The following ATG7 variants were observed in gnomAD, a reference collection of about 807,000 sequenced individuals.
ATG7 encodes autophagy related 7.
In ATG7, 70 loss-of-function variants were observed where a neutral mutation model predicts 82.4. The observed-to-expected ratio is 0.85, with a 90% CI of 0.70 to 1.04. The LOEUF (loss-of-function observed/expected upper bound fraction) is 1.04, where lower values mean the gene tolerates loss of function less well. Among genes scored for constraint, ATG7 ranks in the 50% least tolerant of loss-of-function variants. The pLI, the probability that ATG7 is intolerant of heterozygous loss-of-function variation, is 0.00. For missense variants in ATG7, 792 were observed against 864.3 expected (o/e 0.92, Z 1.05); for synonymous variants, 287 against 313.0 (o/e 0.92, Z 0.88).
At chr3:11,331,709 C>T (rs1371876989) in intron 10 of ATG7, among the ~76,000 whole-genome samples, 1 of 152,084 alleles carries the variant, frequency 6.6e-6, no homozygotes, top group Non-Finnish European at 1.5e-5. Context: ...ATTCTGTAGC[C>T]CTCCCTTCTA....
At chr3:11,361,175 C>T (rs191625955) in intron 16 of ATG7, among the ~76,000 whole-genome samples, 4 of 152,228 alleles carry the variant, frequency 2.6e-5, no homozygotes, top group African/African-American at 9.6e-5. Context: ...TAAAAAGTCT[C>T]TTAGGTTCCC....
intron 20 of ATG7, among the ~76,000 whole-genome samples, chr3:11,452,384 C>CAAAAAAAA (rs34530409): frequency 3.4e-5 from 2 of 58,414 alleles, no homozygotes; most frequent in African/African-American, 7.6e-5. Context: ...GAACCTGTCT[C>CAAAAAAAA]AAAAAAAAAA....
chr3:11,399,769 TC>T (rs769015245), intron 19 of ATG7, among the ~76,000 whole-genome samples: 3 of 152,176 alleles, frequency 2.0e-5, no homozygotes, highest in Non-Finnish European at 4.4e-5. Context: ...AGACAGAGCT[TC>T]ACCATGTTGG....
intron 20 of ATG7, among the ~76,000 whole-genome samples, chr3:11,471,365 AC>A (rs1425463340): frequency 6.6e-6 from 1 of 152,090 alleles, no homozygotes; most frequent in East Asian, 1.9e-4. Flanking sequence ...TCTGCCCCAC[AC>A]CTGTCACCTG....
chr3:11,347,801 CTT>C (rs1162370170), intron 13 of ATG7, 74 bp from the exon 14 acceptor site: 14 of 1,459,224 alleles, frequency 9.6e-6, no homozygotes, highest in Non-Finnish European at 1.3e-5. Context: ...AACCAATATT[CTT>C]TTTGAGATTT....
intron 18 of ATG7, among the ~76,000 whole-genome samples, chr3:11,378,978 T>C (rs1376189912): frequency 1.3e-5 from 2 of 152,042 alleles, no homozygotes; most frequent in African/African-American, 2.4e-5. Flanking sequence ...GAAGACCTAG[T>C]GTTGAAGACA....
At chr3:11,475,977 TG>T (rs1156813933) in intron 20 of ATG7, among the ~76,000 whole-genome samples, 1 of 151,732 alleles carries the variant, frequency 6.6e-6, no homozygotes, top group Non-Finnish European at 1.5e-5. Flanking sequence ...ATGTTTACAT[TG>T]GGGAAAAAAT....
intron 18 of ATG7, among the ~76,000 whole-genome samples, chr3:11,375,314 A>G (rs1041543840): frequency 6.6e-6 from 1 of 152,198 alleles, no homozygotes; most frequent in Non-Finnish European, 1.5e-5. Flanking sequence ...ACAATACAGC[A>G]ATTTAAAAAA....
the ATG7 span, among the ~76,000 whole-genome samples, chr3:11,567,180 C>T: frequency 7.9e-5 from 12 of 152,202 alleles, no homozygotes; most frequent in South Asian, 2.1e-4. Flanking sequence ...TTCCGAGCCT[C>T]GGCGTCCCCA....
At chr3:11,409,327 T>TGCAGTG (rs1328316656) in intron 19 of ATG7, among the ~76,000 whole-genome samples, 1 of 152,212 alleles carries the variant, frequency 6.6e-6, no homozygotes, top group African/African-American at 2.4e-5. Context: ...TGAGATGCCA[T>TGCAGTG]GCAGTGGCAG....
At chr3:11,532,339 A>G (rs574861613) in intron 20 of ATG7, among the ~76,000 whole-genome samples, 1 of 152,306 alleles carries the variant, frequency 6.6e-6, no homozygotes, top group South Asian at 2.1e-4. Context: ...CTATGGCCCA[A>G]AACAGAGGAG....
At chr3:11,516,389 G>T (rs752826925) in intron 20 of ATG7, among the ~76,000 whole-genome samples, 1 of 151,830 alleles carries the variant, frequency 6.6e-6, no homozygotes, top group Non-Finnish European at 1.5e-5. Context: ...CCATTCAAAT[G>T]ACTAGATACC....
chr3:11,570,195 G>A, the ATG7 span, among the ~76,000 whole-genome samples: 2 of 151,976 alleles, frequency 1.3e-5, no homozygotes, highest in Admixed American at 6.6e-5. Flanking sequence ...CACAGACACC[G>A]GCCCTGTGGC....
chr3:11,465,366 A>G (rs1158700274), intron 20 of ATG7, among the ~76,000 whole-genome samples: 1 of 151,472 alleles, frequency 6.6e-6, no homozygotes, highest in South Asian at 2.1e-4. Flanking sequence ...AATGGCGTGA[A>G]TCCAGGAGGC....
chr3:11,273,104 T>G (rs1448127999), intron 1 of ATG7, among the ~76,000 whole-genome samples: 1 of 152,228 alleles, frequency 6.6e-6, no homozygotes, highest in Non-Finnish European at 1.5e-5. Flanking sequence ...GTTTCCTGAT[T>G]TTTAAACACT....
At chr3:11,376,633 G>C (rs1475387268) in intron 18 of ATG7, among the ~76,000 whole-genome samples, 1 of 152,144 alleles carries the variant, frequency 6.6e-6, no homozygotes, top group African/African-American at 2.4e-5. Context: ...GTTGTACAGA[G>C]TCTGTAAAAA....
chr3:11,394,308 G>T (rs1019298261), intron 19 of ATG7, among the ~76,000 whole-genome samples: 1 of 152,176 alleles, frequency 6.6e-6, no homozygotes, highest in Non-Finnish European at 1.5e-5. Flanking sequence ...GTCTTAACTA[G>T]TGATAGGACA....
At chr3:11,378,321 T>G (rs1361675251) in intron 18 of ATG7, among the ~76,000 whole-genome samples, 2 of 150,620 alleles carry the variant, frequency 1.3e-5, no homozygotes, top group African/African-American at 4.9e-5. Flanking sequence ...CCTGCCAAAT[T>G]TTTAAAATGT....
At chr3:11,375,214 A>G (rs916637192) in intron 18 of ATG7, among the ~76,000 whole-genome samples, 4 of 152,230 alleles carry the variant, frequency 2.6e-5, no homozygotes, top group Non-Finnish European at 5.9e-5. Flanking sequence ...TATCAAAACA[A>G]ACAAATGAAC....
Sources: allele counts gnomAD v4.1 joint callset (sites outside exome capture counted in the v4.1 genomes callset), GRCh38; gene constraint gnomAD v4.1.1; transcripts MANE v1.5; gene names NCBI Gene and HGNC (gene_info 2026-07-23, HGNC 2026-07-21).